The following CAMSAP2 variants were observed in gnomAD, a reference collection of about 807,000 sequenced individuals.
The protein encoded by CAMSAP2 is calmodulin-regulated spectrin-associated protein 2.
A neutral mutation model predicts 146.1 loss-of-function variants in CAMSAP2; 26 were observed. The ratio of observed to expected loss-of-function variants is 0.18; its 90% confidence interval spans 0.13 to 0.25. CAMSAP2 has a LOEUF of 0.25. Among genes scored for constraint, CAMSAP2 ranks in the 10% least tolerant of loss-of-function variants. The pLI, the probability that CAMSAP2 is intolerant of heterozygous loss-of-function variation, is 1.00. For missense variants in CAMSAP2, 1,381 were observed against 1,759.3 expected (o/e 0.78, Z 3.85); for synonymous variants, 499 against 596.6 (o/e 0.84, Z 2.38).
chr1:200,850,275 A>T (rs775708846), intron 11 of CAMSAP2, 41 bp downstream of exon 11: 3 of 1,497,624 alleles, frequency 2.0e-6, no homozygotes, highest in South Asian at 2.8e-5. Context: ...TCTTCATTAG[A>T]TGAGTGTGGT....
chr1:200,801,242 G>A (rs891549263), intron 2 of CAMSAP2, among the ~76,000 whole-genome samples: 2 of 150,594 alleles, frequency 1.3e-5, no homozygotes, highest in Non-Finnish European at 2.9e-5. Context: ...CCAGCCTGGA[G>A]ACAGAGCAAG....
intron 1 of CAMSAP2, among the ~76,000 whole-genome samples, chr1:200,741,902 AT>A (rs1165254283): frequency 4.6e-5 from 7 of 152,190 alleles, no homozygotes; most frequent in Non-Finnish European, 1.0e-4. Context: ...ATAGGAGGAA[AT>A]CAGTGCATAG....
chr1:200,815,753 G>A (rs1228662449), intron 4 of CAMSAP2, 109 bp downstream of exon 4: 2 of 497,540 alleles, frequency 4.0e-6, no homozygotes, highest in Non-Finnish European at 6.8e-6. Flanking sequence ...TTTTTTAGTG[G>A]TGTTAACTGT....
rs750727990 is a variant in CAMSAP2 at position 200,832,356 on chromosome 1, G to A, written c.787+15G>A. On this transcript the variant is annotated intron_variant, in intron 5 of 16. Transcript: ENST00000358823. This position sits in a 1 kb window ranked among gnomAD's most constrained non-coding sequence, Gnocchi z 4.2. ...CAGATTAGAGGGTAAGTGTTCCATT[G>A]TAATACTTCTGAACTGTAGACAGAT... The A allele has an allele frequency of 1.2e-6, 2 of 1,605,526 alleles. No individual in the cohort carries two copies. The highest frequency in any genetic ancestry group is 1.7e-6 in the Non-Finnish European group (2 of 1,176,638).
intron 2 of CAMSAP2, among the ~76,000 whole-genome samples, chr1:200,792,025 G>C (rs1665768516): frequency 6.6e-6 from 1 of 151,966 alleles, no homozygotes; most frequent in Middle Eastern, 3.2e-3. Flanking sequence ...TATGACCTGA[G>C]TTCTTCTTTT....
chr1:200,765,035 A>G (rs1360476365), intron 2 of CAMSAP2, among the ~76,000 whole-genome samples: 1 of 152,056 alleles, frequency 6.6e-6, no homozygotes, highest in East Asian at 1.9e-4. Flanking sequence ...AACCGGGAGA[A>G]GGAGATTGCA....
Position 200,829,087 on chromosome 1 carries a change from A to AG in CAMSAP2, c.646-3112dup, listed in dbSNP as rs1666978343. Among the ~76,000 whole-genome samples, 3 of 152,260 alleles carry AG rather than the reference A, an allele frequency of 2.0e-5. No individual in the cohort carries two copies. The South Asian group carries it at 6.2e-4, about 32-fold the overall frequency. On this transcript the variant is annotated intron_variant, in intron 4 of 16. Coordinates refer to ENST00000358823, the MANE Select transcript of CAMSAP2 (RefSeq NM_203459.4). Reference sequence around the variant, plus strand: ...GGAGAATCGCTTGAACCAGGGAGGCAGAGGTTGCAGTGAGCCGAGATCGCG... The same window carrying AG: ...GGAGAATCGCTTGAACCAGGGAGGCAGGAGGTTGCAGTGAGCCGAGATCGCG...
intron 2 of CAMSAP2, among the ~76,000 whole-genome samples, chr1:200,764,723 A>G (rs1280068818): frequency 6.6e-6 from 1 of 152,240 alleles, no homozygotes; most frequent in African/African-American, 2.4e-5. Context: ...ACCTCTCTAA[A>G]TGGTTAAATT....
intron 6 of CAMSAP2, 149 bp from the exon 7 acceptor site, chr1:200,841,845 A>AAT (rs1297435043): frequency 2.0e-5 from 12 of 607,392 alleles, no homozygotes. Flanking sequence ...CACAAGAGTT[A>AAT]ATATTCCATC....
chr1:200,816,694 A>G (rs186091949), intron 4 of CAMSAP2, among the ~76,000 whole-genome samples: 1 of 133,932 alleles, frequency 7.5e-6, no homozygotes, highest in African/African-American at 2.6e-5. Flanking sequence ...ATGTACATGC[A>G]CACATATATG....
At chr1:200,791,034 G>A (rs1665737936) in intron 2 of CAMSAP2, among the ~76,000 whole-genome samples, 1 of 151,988 alleles carries the variant, frequency 6.6e-6, no homozygotes, top group Non-Finnish European at 1.5e-5. Context: ...TAGTAGGGAT[G>A]GGGTTTCACC....
intron 6 of CAMSAP2, among the ~76,000 whole-genome samples, chr1:200,838,756 G>T (rs1458003259): frequency 2.0e-5 from 3 of 152,138 alleles, no homozygotes; most frequent in African/African-American, 7.2e-5. Flanking sequence ...TGAAAAGTTT[G>T]TTTTCTTAGC....
In CAMSAP2 at chr1:200,850,175, G is replaced by A. The variant is rs757167232; in HGVS notation, c.3406G>A (p.Glu1136Lys). ...TGTACCTGTTGAAAAATATGATGGA[G>A]AAAGTGATAAAGAACAATTTGATGA... The part of the protein sequence containing the change: ...ADVPVEKYDG[E>K]SDKEQFDDDQ... Residue 1136 changes from glutamate to lysine, a missense_variant, in exon 11 of 17, where the codon GAA (glutamate) becomes AAA (lysine). Glu to Lys is a moderately conservative substitution (Grantham distance 56). Around this residue, in one of 4 missense-constraint regions of CAMSAP2, gnomAD observed 560 missense variants for 715.9 expected, o/e 0.78. Coordinates refer to ENST00000358823, the MANE Select transcript of CAMSAP2 (RefSeq NM_203459.4). 1.2e-6 allele frequency: 2 copies of A among 1,605,416 alleles called. No individual in the cohort carries two copies. Among genetic ancestry groups the A allele is most frequent in the Non-Finnish European group, 1.7e-6 (2 of 1,177,696 alleles).
Position 200,816,800 on chromosome 1 carries a change from A to G in CAMSAP2, c.645+1156A>G, listed in dbSNP as rs556512263. 5.5e-4 allele frequency among the ~76,000 whole-genome samples: 41 copies of G among 73,924 alleles called. 10 individuals carry two copies. Among genetic ancestry groups the G allele is most frequent in the South Asian group, 2.0e-3 (4 of 1,966 alleles). 48.5% of individuals were successfully genotyped at this position (73,924 alleles called of 152,430 possible). A position where few individuals can be genotyped will look rare whatever the true frequency, so the allele number is the denominator to read the frequency against. On this transcript the variant is annotated intron_variant, in intron 4 of 16. Coordinates refer to ENST00000358823, the MANE Select transcript of CAMSAP2 (RefSeq NM_203459.4). ...CGTGTATATATGTGTGTACACACACACGCGTGTATATATGTGTGTACACAC... is the reference window on the plus strand; with the variant it reads ...CGTGTATATATGTGTGTACACACACGCGCGTGTATATATGTGTGTACACAC...
At chr1:200,778,409 A>T (rs1203762816) in intron 2 of CAMSAP2, among the ~76,000 whole-genome samples, 1 of 152,148 alleles carries the variant, frequency 6.6e-6, no homozygotes, top group Non-Finnish European at 1.5e-5. Context: ...GAGGCTCCTG[A>T]ATGCCTGGAG....
intron 2 of CAMSAP2, among the ~76,000 whole-genome samples, chr1:200,764,720 T>C (rs1370378585): frequency 1.3e-5 from 2 of 152,246 alleles, no homozygotes; most frequent in African/African-American, 4.8e-5. Flanking sequence ...AAGACCTCTC[T>C]AAATGGTTAA....
intron 4 of CAMSAP2, among the ~76,000 whole-genome samples, chr1:200,830,139 C>T (rs375932367): frequency 1.3e-5 from 2 of 152,174 alleles, no homozygotes; most frequent in South Asian, 2.1e-4. Flanking sequence ...TCATGAACTG[C>T]GGATGAACCT....
chr1:200,761,182 A>G (rs1273912724), intron 2 of CAMSAP2, 84 bp downstream of exon 2: 10 of 1,265,330 alleles, frequency 7.9e-6, no homozygotes, highest in South Asian at 1.4e-5. Flanking sequence ...ACAGAGGGAA[A>G]TGTTTTGAAA....
At chr1:200,771,536 TAAAC>T (rs970972502) in intron 2 of CAMSAP2, among the ~76,000 whole-genome samples, 6 of 152,214 alleles carry the variant, frequency 3.9e-5, no homozygotes, top group South Asian at 2.1e-4. Context: ...AAGGGCTTGA[TAAAC>T]AAAGTGTTAA....
Sources: gnomAD v4.1 joint callset for allele counts (sites outside exome capture counted in the v4.1 genomes callset) on GRCh38, gnomAD v4.1.1 for gene constraint, gnomAD v4.1.1 regional missense constraint, Gnocchi (gnomAD v3.1) non-coding constraint, MANE v1.5 for transcripts, NCBI Gene and HGNC (gene_info 2026-07-23, HGNC 2026-07-21) for gene names.